SCFD2: variants seen among roughly 807,000 people sequenced by gnomAD.
The protein encoded by SCFD2 is sec1 family domain-containing protein 2.
Under a neutral mutation model 58.9 loss-of-function variants are expected in SCFD2, and 54 were observed. That is an observed-to-expected ratio of 0.92 (90% CI 0.74 to 1.15). The LOEUF (loss-of-function observed/expected upper bound fraction) is 1.15, where lower values mean the gene tolerates loss of function less well. Among genes scored for constraint, SCFD2 ranks in the 50% most tolerant of loss-of-function variants. The pLI is 0.00. For synonymous variants in SCFD2, 321 were observed against 335.9 expected (o/e 0.96, Z 0.49); for missense variants, 805 against 836.6 (o/e 0.96, Z 0.47).
intron 5 of SCFD2, among the ~76,000 whole-genome samples, chr4:53,027,058 A>T (rs1722493087): frequency 6.6e-6 from 1 of 152,184 alleles, no homozygotes; most frequent in African/African-American, 2.4e-5. Flanking sequence ...TTCCTAATTG[A>T]CCACATTATC....
intron 5 of SCFD2, among the ~76,000 whole-genome samples, chr4:53,007,353 A>AAGG (rs1721997609): frequency 7.6e-6 from 1 of 131,188 alleles, no homozygotes; most frequent in Non-Finnish European, 1.7e-5. Flanking sequence ...AGAGAGAGAG[A>AAGG]AAAGAAAGAG....
At chr4:53,075,906 G>A (rs114173959) in intron 5 of SCFD2, among the ~76,000 whole-genome samples, 1,737 of 152,266 alleles carry the variant, frequency 0.011, 18 homozygotes, top group Middle Eastern at 0.034. Flanking sequence ...TGGAAAAATG[G>A]TGCTGATAGA....
intron 5 of SCFD2, among the ~76,000 whole-genome samples, chr4:52,989,259 C>T (rs1721566585): frequency 6.6e-6 from 1 of 152,158 alleles, no homozygotes. Context: ...GTCCTTTAAC[C>T]ATGTTTGGTG....
At chr4:53,151,663 C>T (rs1160548953) in intron 4 of SCFD2, among the ~76,000 whole-genome samples, 1 of 152,220 alleles carries the variant, frequency 6.6e-6, no homozygotes, top group African/African-American at 2.4e-5. Flanking sequence ...TAAAACTCCA[C>T]ATCATGCTAA....
In SCFD2 at chr4:53,365,271, C is replaced by T. The variant is rs145377715; in HGVS notation, c.671G>A (p.Ser224Asn). The change falls in exon 1 of 9, where the codon AGT (serine) becomes AAT (asparagine). Residue 224 changes from serine to asparagine, a missense_variant. Ser to Asn is a conservative substitution (Grantham distance 46). Transcript: ENST00000401642. The surrounding 1 kb of genome is among the most constrained non-coding windows in gnomAD (Gnocchi z 4.3). ...LQIRCLVSGL[S>N]SLCEHLGVRE... ...TACTCCTAAATGTTCACACAGAGAA[C>T]TGAGGCCTGACACTAGGCATCTGAT... 5.6e-5 allele frequency: 90 copies of T among 1,614,108 alleles called. No homozygotes were observed. The African/African-American group carries it at 1.2e-3, about 21-fold the overall frequency.
At chr4:53,164,804 A>G (rs201468304) in intron 4 of SCFD2, among the ~76,000 whole-genome samples, 3,895 of 143,810 alleles carry the variant, frequency 0.027, 213 homozygotes, top group African/African-American at 0.1. Flanking sequence ...AAAAAAAAAA[A>G]AAGAAGAAGA....
intron 4 of SCFD2, among the ~76,000 whole-genome samples, chr4:53,253,139 T>A (rs1367256770): frequency 1.3e-5 from 2 of 152,024 alleles, no homozygotes; most frequent in East Asian, 3.9e-4. Flanking sequence ...CATGAAAAAA[T>A]GCTCATCATC....
intron 8 of SCFD2, among the ~76,000 whole-genome samples, chr4:52,880,918 T>C (rs575396848): frequency 3.3e-5 from 5 of 152,356 alleles, no homozygotes; most frequent in Non-Finnish European, 5.9e-5. Flanking sequence ...ACAGTAGGCA[T>C]CAAGTGAGTG....
chr4:53,097,292 A>T (rs1189014471), intron 5 of SCFD2, among the ~76,000 whole-genome samples: 2 of 152,196 alleles, frequency 1.3e-5, no homozygotes, highest in African/African-American at 2.4e-5. Context: ...TTGAATCTAT[A>T]AATTACCTTG....
chr4:53,254,635 G>A (rs1483953569), intron 4 of SCFD2, among the ~76,000 whole-genome samples: 5 of 150,352 alleles, frequency 3.3e-5, no homozygotes, highest in Non-Finnish European at 7.4e-5. Flanking sequence ...CACTGCACCT[G>A]GCCGACCCAT....
chr4:53,109,052 C>A (rs1368583142), intron 5 of SCFD2, among the ~76,000 whole-genome samples: 2 of 152,200 alleles, frequency 1.3e-5, no homozygotes, highest in African/African-American at 4.8e-5. Flanking sequence ...GGATGCAAGA[C>A]TGGTTCAACA....
intron 5 of SCFD2, among the ~76,000 whole-genome samples, chr4:53,089,441 T>C (rs1253612079): frequency 6.6e-6 from 1 of 152,140 alleles, no homozygotes; most frequent in Non-Finnish European, 1.5e-5. Flanking sequence ...TTATGAAAAT[T>C]TTCATCATGA....
chr4:53,338,869 C>T (rs1386450119), intron 2 of SCFD2, among the ~76,000 whole-genome samples: 2 of 151,846 alleles, frequency 1.3e-5, no homozygotes, highest in African/African-American at 2.4e-5. Context: ...CGTGAGCCAC[C>T]GCGCCTGGCC....
intron 5 of SCFD2, among the ~76,000 whole-genome samples, chr4:53,135,931 C>T (rs1274196144): frequency 1.3e-5 from 2 of 152,118 alleles, no homozygotes; most frequent in Non-Finnish European, 2.9e-5. Context: ...CCTGTGCTAA[C>T]CCATGATTTC....
At chr4:53,096,562 G>T (rs1724642458) in intron 5 of SCFD2, among the ~76,000 whole-genome samples, 2 of 151,802 alleles carry the variant, frequency 1.3e-5, no homozygotes, top group Non-Finnish European at 2.9e-5. Flanking sequence ...TTTTGATGGG[G>T]TTGTTTTTTT....
intron 4 of SCFD2, among the ~76,000 whole-genome samples, chr4:53,167,438 G>T (rs1727043814): frequency 6.6e-6 from 1 of 152,198 alleles, no homozygotes; most frequent in Non-Finnish European, 1.5e-5. Flanking sequence ...TTTGAAGAAT[G>T]ATGCAAGGGA....
At chr4:53,182,671 A>G (rs1246347487) in intron 4 of SCFD2, among the ~76,000 whole-genome samples, 1 of 152,256 alleles carries the variant, frequency 6.6e-6, no homozygotes, top group African/African-American at 2.4e-5. Flanking sequence ...ATTAAACTAA[A>G]GAGCTTCTGC....
chr4:53,224,082 G>C (rs1409107175), intron 4 of SCFD2, among the ~76,000 whole-genome samples: 1 of 152,042 alleles, frequency 6.6e-6, no homozygotes, highest in African/African-American at 2.4e-5. Flanking sequence ...GAACTTTCAA[G>C]GCTAGGTGAT....
chr4:53,232,818 T>C (rs1237615058), intron 4 of SCFD2, among the ~76,000 whole-genome samples: 1 of 152,166 alleles, frequency 6.6e-6, no homozygotes, highest in Non-Finnish European at 1.5e-5. Context: ...CAGGTTCTGC[T>C]CAGCACTCTT....
Sources: gnomAD v4.1 joint callset for allele counts (sites outside exome capture counted in the v4.1 genomes callset) on GRCh38, gnomAD v4.1.1 for gene constraint, Gnocchi (gnomAD v3.1) non-coding constraint, MANE v1.5 for transcripts, NCBI Gene and HGNC (gene_info 2026-07-23, HGNC 2026-07-21) for gene names.